DPP6: variants seen among roughly 807,000 people sequenced by gnomAD.
DPP6 encodes dipeptidyl peptidase like 6.
A neutral mutation model predicts 122.6 loss-of-function variants in DPP6; 69 were observed. The ratio of observed to expected loss-of-function variants is 0.56; its 90% CI spans 0.46 to 0.69. The LOEUF is 0.69. Among genes scored for constraint, DPP6 ranks in the 30% least tolerant of loss-of-function variants. DPP6 has a pLI of 0.00. For synonymous variants in DPP6, 418 were observed against 433.1 expected, an observed-to-expected ratio of 0.97 and a Z score of 0.43; for missense variants, 928 against 1,116.9, an observed-to-expected ratio of 0.83 and a Z score of 2.41.
At chr7:153,945,639 TCTC>T (rs1192027275) in intron 1 of DPP6, among the ~76,000 whole-genome samples, 2 of 152,168 alleles carry the variant, frequency 1.3e-5, no homozygotes, top group African/African-American at 4.8e-5. Flanking sequence ...TTATCGTAAT[TCTC>T]CTCTGAGGAT....
At chr7:154,159,413 T>C (rs1306292344) in intron 1 of DPP6, among the ~76,000 whole-genome samples, 1 of 152,182 alleles carries the variant, frequency 6.6e-6, no homozygotes, top group East Asian at 1.9e-4. Flanking sequence ...TCATTTAGTG[T>C]TATTTTGGTG....
intron 1 of DPP6, among the ~76,000 whole-genome samples, chr7:154,231,222 G>A (rs1342881442): frequency 6.6e-6 from 1 of 152,166 alleles, no homozygotes; most frequent in African/African-American, 2.4e-5. Context: ...TGGAAATGAT[G>A]TCTTTGACAT....
At chr7:154,861,198 G>A (rs1238038818) in intron 17 of DPP6, among the ~76,000 whole-genome samples, 1 of 152,150 alleles carries the variant, frequency 6.6e-6, no homozygotes, top group Non-Finnish European at 1.5e-5. Flanking sequence ...CAAGACAGAG[G>A]ACACTGGGCC....
At chr7:153,802,353 T>C in the DPP6 span, among the ~76,000 whole-genome samples, 4 of 152,338 alleles carry the variant, frequency 2.6e-5, no homozygotes, top group South Asian at 8.3e-4. Flanking sequence ...ATTCTCCCTA[T>C]AACGAGTCAC....
intron 6 of DPP6, among the ~76,000 whole-genome samples, chr7:154,640,136 C>T (rs1229755470): frequency 6.6e-6 from 1 of 152,144 alleles, no homozygotes; most frequent in Non-Finnish European, 1.5e-5. Flanking sequence ...CCTCTAGTCC[C>T]AGCTACTCAG....
Position 154,007,786 on chromosome 7 carries a change from C to A in DPP6, c.51+120052C>A, listed in dbSNP as rs1442982946. ...TTGGTGTCCACAGGGGGTTCTGGAG[C>A]CAATTCTCCACAGATAGTGAGGTAG... On this transcript the variant is annotated intron_variant, in intron 1 of 25. Coordinates refer to the DPP6 transcript ENST00000404039. Among the ~76,000 whole-genome samples the A allele has an allele frequency of 2.6e-5, 4 of 152,196 alleles. No individual in the cohort carries two copies. The East Asian group carries it at 7.7e-4, about 29-fold the overall frequency.
At chr7:153,896,177 A>T (rs2128996110) in intron 1 of DPP6, among the ~76,000 whole-genome samples, 1 of 152,340 alleles carries the variant, frequency 6.6e-6, no homozygotes, top group African/African-American at 2.4e-5. Flanking sequence ...GTTTTATTTT[A>T]AATAATTCTC....
chr7:154,164,563 C>A (rs1349387122), intron 1 of DPP6, among the ~76,000 whole-genome samples: 4 of 152,116 alleles, frequency 2.6e-5, no homozygotes, highest in Non-Finnish European at 5.9e-5. Context: ...CACCCCCAGT[C>A]TAATTTTAGA....
intron 6 of DPP6, among the ~76,000 whole-genome samples, chr7:154,662,600 C>G (rs1233316160): frequency 8.7e-6 from 1 of 115,548 alleles, no homozygotes; most frequent in Non-Finnish European, 1.8e-5. Context: ...GGCGTATCGG[C>G]CGTAGTGTTC....
In DPP6 at chr7:154,857,996, C is replaced by T. The variant is rs1429345236; in HGVS notation, c.1714+4169C>T. On this transcript the variant is annotated intron_variant, in intron 17 of 25. Coordinates refer to ENST00000377770, the MANE Select transcript of DPP6 (RefSeq NM_130797.4). ...ACTCAGCCAGCTAGCGGTTCTGCAT[C>T]GTCAGGATTCTGCAAAACCCCACAC... 3.3e-5 allele frequency among the ~76,000 whole-genome samples: 5 copies of T among 152,178 alleles called. No individual in the cohort carries two copies. The South Asian group carries it at 6.2e-4, about 19-fold the overall frequency.
chr7:154,797,639 G>A (rs779101843), intron 12 of DPP6, among the ~76,000 whole-genome samples: 162 of 152,122 alleles, frequency 1.1e-3, no homozygotes, highest in Non-Finnish European at 1.9e-3. Flanking sequence ...CAAGGCCGGG[G>A]GAGTATGGAG....
chr7:154,668,854 A>G (rs773247061), intron 6 of DPP6, among the ~76,000 whole-genome samples: 3 of 152,184 alleles, frequency 2.0e-5, no homozygotes, highest in Non-Finnish European at 4.4e-5. Context: ...TACATCTTTC[A>G]ATTTATCCCC....
chr7:154,797,746 C>A (rs73500252), intron 12 of DPP6, among the ~76,000 whole-genome samples: 2,300 of 152,198 alleles, frequency 0.015, 53 homozygotes, highest in African/African-American at 0.043. Context: ...GGACTAAATG[C>A]CACTCAATTG....
chr7:154,711,585 A>T (rs1302981774), intron 7 of DPP6, among the ~76,000 whole-genome samples: 1 of 152,228 alleles, frequency 6.6e-6, no homozygotes, highest in Non-Finnish European at 1.5e-5. Flanking sequence ...ACAGTGTTGA[A>T]TAACCTGCTC....
chr7:154,153,926 T>G (rs1349110806), intron 1 of DPP6, among the ~76,000 whole-genome samples: 2 of 152,154 alleles, frequency 1.3e-5, no homozygotes, highest in Admixed American at 1.3e-4. Context: ...TCAAACCCAA[T>G]GACACCAACA....
chr7:153,904,068 T>C (rs1799746969), intron 1 of DPP6, among the ~76,000 whole-genome samples: 1 of 152,224 alleles, frequency 6.6e-6, no homozygotes. Context: ...GTTGTCATTT[T>C]TGAGATGGAC....
At chr7:154,587,073 A>G (rs541256007) in intron 5 of DPP6, 10 of 152,800 alleles carry the variant, frequency 6.5e-5, no homozygotes, top group Admixed American at 5.9e-4. Flanking sequence ...TCCTTCACAA[A>G]AGGATGCGCA....
intron 1 of DPP6, among the ~76,000 whole-genome samples, chr7:154,073,576 G>A (rs1184506810): frequency 2.0e-5 from 3 of 152,202 alleles, no homozygotes; most frequent in Non-Finnish European, 4.4e-5. Context: ...ACAAGATAGG[G>A]TCTCAGTACT....
At chr7:154,733,767 T>C (rs901939628) in intron 8 of DPP6, among the ~76,000 whole-genome samples, 1 of 152,230 alleles carries the variant, frequency 6.6e-6, no homozygotes, top group African/African-American at 2.4e-5. Flanking sequence ...CAGGGTCTGT[T>C]TTCCACAGGG....
Sources: allele counts gnomAD v4.1 joint callset (sites outside exome capture counted in the v4.1 genomes callset), GRCh38; gene constraint gnomAD v4.1.1; transcripts MANE v1.5; gene names NCBI Gene and HGNC (gene_info 2026-07-23, HGNC 2026-07-21).